Variants in CTNNA1 observed in about 807,000 individuals in gnomAD.
CTNNA1 encodes the protein catenin alpha-1.
In CTNNA1, 37 loss-of-function variants were observed where a neutral mutation model predicts 98.4. The observed-to-expected ratio is 0.38, with a 90% CI of 0.29 to 0.49. The LOEUF (loss-of-function observed/expected upper bound fraction) is 0.49, where lower values mean the gene tolerates loss of function less well. CTNNA1 is among the 20% of genes least tolerant of loss of function. The pLI is 0.95. For missense variants in CTNNA1, 761 were observed against 1,147.2 expected (o/e 0.66, Z 4.86); for synonymous variants, 404 against 413.2 (o/e 0.98, Z 0.27).
intron 3 of CTNNA1, among the ~76,000 whole-genome samples, chr5:138,793,818 G>A (rs975090800): frequency 6.6e-6 from 1 of 152,092 alleles, no homozygotes; most frequent in Non-Finnish European, 1.5e-5. Flanking sequence ...ACATGAATAT[G>A]TGTGTTACTT....
chr5:138,829,083 CTG>C (rs1436771932), intron 7 of CTNNA1, among the ~76,000 whole-genome samples: 1 of 152,060 alleles, frequency 6.6e-6, no homozygotes. Context: ...GGTCGCGCCA[CTG>C]TGCTCCAGCC....
At chr5:138,914,041 T>A (rs1427716806) in intron 10 of CTNNA1, among the ~76,000 whole-genome samples, 1 of 152,220 alleles carries the variant, frequency 6.6e-6, no homozygotes, top group Non-Finnish European at 1.5e-5. Flanking sequence ...ATTCCAAATT[T>A]AGTAAGAGTA....
chr5:138,929,456 TTC>T (rs1416188096), intron 14 of CTNNA1, 100 bp downstream of exon 14: 14 of 656,982 alleles, frequency 2.1e-5, no homozygotes, highest in Middle Eastern at 2.7e-4. Context: ...AGAACACCGT[TTC>T]TCTCTCTCTG....
At chr5:138,879,072 C>T (rs994835070) in intron 7 of CTNNA1, among the ~76,000 whole-genome samples, 2 of 146,894 alleles carry the variant, frequency 1.4e-5, no homozygotes, top group Admixed American at 7.1e-5. Context: ...CAGCTGGGCA[C>T]GGTGACAGGA....
At position 138,934,190 on chromosome 5, in the gene CTNNA1, C is replaced by A; in HGVS notation, c.*101C>A. On this transcript the variant is annotated 3_prime_UTR_variant, in exon 18 of 18. Transcript: ENST00000302763. ...CTAAATACAACACTGATACTAGATT[C>A]CACAGGGAAATGGGCAGACTGAACC... is the stretch of plus-strand genomic sequence containing the variant. 1.2e-6 allele frequency: 1 copy of A among 865,670 alleles called. No homozygotes were observed. Among genetic ancestry groups the A allele is most frequent in the Non-Finnish European group, 1.8e-6 (1 of 563,442 alleles). 53.6% of individuals were successfully genotyped at this position (865,670 alleles called of 1,614,324 possible). A position where few individuals can be genotyped will look rare whatever the true frequency, so the allele number is the denominator to read the frequency against.
chr5:138,891,967 G>A (rs1755468659), intron 9 of CTNNA1, among the ~76,000 whole-genome samples: 1 of 152,166 alleles, frequency 6.6e-6, no homozygotes. Flanking sequence ...GCTTCCTTTG[G>A]AAAGGGAATC....
At chr5:138,808,599 T>TC (rs925464966) in intron 3 of CTNNA1, among the ~76,000 whole-genome samples, 2 of 151,054 alleles carry the variant, frequency 1.3e-5, no homozygotes, top group African/African-American at 4.9e-5. Flanking sequence ...AGGCAATTTT[T>TC]CCCCCCTCTT....
rs1380074342 is a variant in CTNNA1, at chr5:138,874,960, A to G, written c.1063-11252A>G. 16 of 1,603,168 alleles carry G rather than the reference A, an allele frequency of 1.0e-5. No individual in the cohort carries two copies. Among genetic ancestry groups the G allele is most frequent in the African/African-American group, 1.3e-5 (1 of 74,828 alleles). On this transcript the variant is annotated intron_variant, in intron 7 of 17. Coordinates refer to ENST00000302763, the MANE Select transcript of CTNNA1 (RefSeq NM_001903.5). The surrounding 1 kb of genome is among the most constrained non-coding windows in gnomAD (Gnocchi z 4.1). ...CATTCAGTCGCGGTTGTTAGACTCAACGCAGTGAGTCTGTAAAAGGCTCTA... is the reference window on the plus strand; with the variant it reads ...CATTCAGTCGCGGTTGTTAGACTCAGCGCAGTGAGTCTGTAAAAGGCTCTA...
chr5:138,865,450 A>G lies in CTNNA1; in HGVS notation c.1063-20762A>G, dbSNP rs192246646. Reference sequence around the variant, plus strand: ...AGAGGGACAGTCCAACGTTGTTCCTACAGCTGGCTCCATTTTATAAATAAT... The same window carrying G: ...AGAGGGACAGTCCAACGTTGTTCCTGCAGCTGGCTCCATTTTATAAATAAT... On this transcript the variant is annotated intron_variant, in intron 7 of 17. Transcript: ENST00000302763. Among the ~76,000 whole-genome samples the G allele has an allele frequency of 5.3e-5, 8 of 152,302 alleles. No individual in the cohort carries two copies. The East Asian group carries it at 1.5e-3, about 29-fold the overall frequency.
intron 11 of CTNNA1, among the ~76,000 whole-genome samples, chr5:138,922,574 A>G (rs898265125): frequency 6.6e-6 from 1 of 152,318 alleles, no homozygotes; most frequent in African/African-American, 2.4e-5. Flanking sequence ...ACAGTTGTTC[A>G]TGGGTACAGA....
At chr5:138,933,656 G>A (rs1228170296) in intron 17 of CTNNA1, 146 bp from the exon 18 acceptor site, 7 of 771,024 alleles carry the variant, frequency 9.1e-6, no homozygotes, top group Non-Finnish European at 1.0e-5. Context: ...TGTTCTTCAG[G>A]AACAGGCTGC....
At position 138,874,281 on chromosome 5, in the gene CTNNA1, G is replaced by C. The variant is rs370033412; in HGVS notation, c.1063-11931G>C. The C allele has an allele frequency of 4.4e-5, 71 of 1,613,878 alleles. No homozygotes were observed. The highest frequency in any genetic ancestry group is 5.8e-5 in the Non-Finnish European group (69 of 1,179,906). ...TCTTTTACTGTTGAAATTTGATTGT[G>C]ATCTAAGTGGAGCCAAGTAAGTTGA... On this transcript the variant is annotated intron_variant, in intron 7 of 17. Transcript: ENST00000302763. This position sits in a 1 kb window ranked among gnomAD's most constrained non-coding sequence, Gnocchi z 4.1.
chr5:138,859,155 A>G (rs574049800), intron 7 of CTNNA1, among the ~76,000 whole-genome samples: 2 of 152,284 alleles, frequency 1.3e-5, no homozygotes, highest in East Asian at 1.9e-4. Flanking sequence ...TTCCTTTGAT[A>G]TGTCGTTTCC....
chr5:138,918,916 A>G (rs188552317), intron 11 of CTNNA1, among the ~76,000 whole-genome samples: 2 of 152,318 alleles, frequency 1.3e-5, no homozygotes, highest in East Asian at 3.9e-4. Flanking sequence ...CATGCACAGC[A>G]CAGTCCTCCA....
chr5:138,930,065 C>T (rs963583310), intron 14 of CTNNA1, among the ~76,000 whole-genome samples: 7 of 152,182 alleles, frequency 4.6e-5, no homozygotes, highest in African/African-American at 1.7e-4. Flanking sequence ...GGTGTACATT[C>T]TAAAGCCACT....
intron 5 of CTNNA1, among the ~76,000 whole-genome samples, chr5:138,822,103 A>G (rs1312874272): frequency 6.6e-6 from 1 of 152,206 alleles, no homozygotes; most frequent in East Asian, 1.9e-4. Flanking sequence ...CATACTTTGT[A>G]AATAGGAGTC....
chr5:138,858,599 T>TCTTTTTCTTTC (rs57689177), intron 7 of CTNNA1, among the ~76,000 whole-genome samples: 1 of 136,340 alleles, frequency 7.3e-6, no homozygotes, highest in African/African-American at 2.7e-5. Context: ...TTTTTCTTTT[T>TCTTTTTCTTTC]TTTTTTTTTT....
rs1315373631 is a variant in CTNNA1, at chr5:138,789,380, ATGGG to A, written c.301+6009_301+6012del. ...AGGTAAGAAAAATAGACTGTGCAAG[ATGGG>A]CATGAGAAACAGTGAGGTCCCTGGC... is the stretch of plus-strand genomic sequence containing the variant. On this transcript the variant is annotated intron_variant, in intron 3 of 17. Transcript: ENST00000302763. 1.1e-4 allele frequency among the ~76,000 whole-genome samples: 16 copies of A among 152,328 alleles called. No homozygotes were observed. In the East Asian group the frequency reaches 3.1e-3, roughly 29 times the overall value.
In CTNNA1 at chr5:138,934,224, T is replaced by C; in HGVS notation, c.*135T>C. 1.5e-6 allele frequency: 1 copy of C among 651,990 alleles called. No individual in the cohort carries two copies. Among genetic ancestry groups the C allele is most frequent in the Non-Finnish European group, 2.6e-6 (1 of 389,098 alleles). 40.4% of individuals were successfully genotyped at this position (651,990 alleles called of 1,614,324 possible). A position where few individuals can be genotyped will look rare whatever the true frequency, so the allele number is the denominator to read the frequency against. ...AATGGGCAGACTGAACCAGTCCAGG[T>C]GGTGAATTTTCCAAGAACATAGTTT... On this transcript the variant is annotated 3_prime_UTR_variant, in exon 18 of 18. Coordinates refer to ENST00000302763, the MANE Select transcript of CTNNA1 (RefSeq NM_001903.5).
Sources: allele counts gnomAD v4.1 joint callset (sites outside exome capture counted in the v4.1 genomes callset), GRCh38; gene constraint gnomAD v4.1.1; non-coding constraint Gnocchi (gnomAD v3.1); transcripts MANE v1.5; gene names NCBI Gene and HGNC (gene_info 2026-07-23, HGNC 2026-07-21).